PPAN: variants seen among roughly 807,000 people sequenced by gnomAD.
The protein encoded by PPAN is suppressor of SWI4 1 homolog.
PPAN carries 39 observed loss-of-function variants against 48.5 expected under a neutral mutation model. The observed-to-expected ratio is 0.80, with a 90% CI of 0.62 to 1.05. The LOEUF is 1.05. Ranked by LOEUF, PPAN falls within the 50% of genes least tolerant of loss-of-function variation. PPAN has a pLI of 0.00. For missense variants in PPAN, 736 were observed against 661.7 expected (o/e 1.11, Z -1.23); for synonymous variants, 315 against 268.6 (o/e 1.17, Z -1.69).
At chr19:10,107,644 C>T (rs1317688522) in intron 3 of PPAN, 38 bp downstream of exon 3, 2 of 1,610,366 alleles carry the variant, frequency 1.2e-6, no homozygotes, top group Non-Finnish European at 1.7e-6. Flanking sequence ...CCCCCAGACC[C>T]CCCCTTCCCC....
In PPAN at chr19:10,106,623, C is replaced by T. The variant is rs2088834359; in HGVS notation, c.141C>T (p.Ser47=). 1 of 1,549,700 alleles carries T rather than the reference C, an allele frequency of 6.5e-7. No individual in the cohort carries two copies. Among genetic ancestry groups the T allele is most frequent in the Non-Finnish European group, 8.7e-7 (1 of 1,147,490 alleles). ...CGGGTCGCAACATCCGGCAGCTCAG[C>T]CTGGACGTGCGGCGGGTCATGGAGC... ...GCTGRNIRQL[S]LDVRRVMEPL... is the part of the protein sequence containing the mutation. Residue 47 remains serine (S), a synonymous_variant, in exon 2 of 12, where the codon AGC becomes AGT. Transcript: ENST00000253107.
chr19:10,108,515 G>A (rs747368414), intron 5 of PPAN, among the ~76,000 whole-genome samples: 6 of 152,124 alleles, frequency 3.9e-5, no homozygotes, highest in African/African-American at 7.2e-5. Context: ...TTGGGAGGGC[G>A]AGGTGGGAGG....
rs768741739 is a variant in PPAN at position 10,110,425 on chromosome 19, T to G, written c.901+23T>G. 6.2e-7 allele frequency: 1 copy of G among 1,608,850 alleles called. No homozygotes were observed. Among genetic ancestry groups the G allele is most frequent in the Admixed American group, 1.7e-5 (1 of 59,482 alleles). On this transcript the variant is annotated intron_variant, in intron 9 of 11. Coordinates refer to ENST00000253107, the MANE Select transcript of PPAN (RefSeq NM_020230.7). This position sits in a 1 kb window ranked among gnomAD's most constrained non-coding sequence, Gnocchi z 5.9. ...TTGGTGAGGCCGGGGCCGCCGGGGG[T>G]GGGGGGTCATGGGTGTGGAGCTGCA... is the stretch of plus-strand genomic sequence containing the variant.
intron 5 of PPAN, among the ~76,000 whole-genome samples, chr19:10,109,171 C>T (rs1377172408): frequency 6.6e-6 from 1 of 152,014 alleles, no homozygotes; most frequent in Non-Finnish European, 1.5e-5. Context: ...ACCGTGTTAG[C>T]CAGGGTGGTC....
Position 10,111,529 on chromosome 19 carries a change from G to C in PPAN, c.*364G>C, listed in dbSNP as rs73011214. Reference sequence around the variant, plus strand: ...AAGCAGACAGGTCACACTTTCAGCAGATGAGCTTGAACCTCAGGAGGGTTG... The same window carrying C: ...AAGCAGACAGGTCACACTTTCAGCACATGAGCTTGAACCTCAGGAGGGTTG... On this transcript the variant is annotated 3_prime_UTR_variant, in exon 12 of 12. Transcript: ENST00000253107. 1.5e-6 allele frequency: 1 copy of C among 679,446 alleles called. No individual in the cohort carries two copies. Among genetic ancestry groups the C allele is most frequent in the Non-Finnish European group, 2.5e-6 (1 of 394,576 alleles). 42.1% of individuals were successfully genotyped at this position (679,446 alleles called of 1,614,324 possible).
Position 10,107,557 on chromosome 19 carries a change from G to C in PPAN, c.242G>C (p.Gly81Ala), listed in dbSNP as rs751223941. Residue 81 changes from glycine (G) to alanine (A), a missense_variant, in exon 3 of 12, where the codon GGG becomes GCG. Physicochemically the swap from Gly to Ala is moderately conservative, Grantham distance 60. Transcript: ENST00000253107. ...TGCGTGGCAGTGGCTGGGCCCCTCGGGGTCACACACTTTCTGATCCTGAGC... is the reference window on the plus strand; with the variant it reads ...TGCGTGGCAGTGGCTGGGCCCCTCGCGGTCACACACTTTCTGATCCTGAGC... ...KDCVAVAGPL[G>A]VTHFLILSKT... is the part of the protein sequence containing the mutation. 11 of 1,614,042 alleles carry C rather than the reference G, an allele frequency of 6.8e-6. No homozygotes were observed. In the Admixed American group the frequency reaches 1.8e-4, roughly 27 times the overall value.
At chr19:10,109,153 A>G (rs1026929587) in intron 5 of PPAN, among the ~76,000 whole-genome samples, 1 of 152,002 alleles carries the variant, frequency 6.6e-6, no homozygotes, top group East Asian at 1.9e-4. Context: ...TAGTAGAGAC[A>G]GGATTTCACC....
rs749685792 is a variant in PPAN at position 10,106,629 on chromosome 19, C to G, written c.147C>G (p.Asp49Glu). The change falls in exon 2 of 12, where the codon GAC (aspartate) becomes GAG (glutamate). Residue 49 changes from aspartate to glutamate, a missense_variant. Asp to Glu is a conservative substitution (Grantham distance 45). Transcript: ENST00000253107. ...TGRNIRQLSLDVRRVMEPLTA... is the reference protein window; with the variant it reads ...TGRNIRQLSLEVRRVMEPLTA... ...GCAACATCCGGCAGCTCAGCCTGGACGTGCGGCGGGTCATGGAGCCGCTCA... is the reference window on the plus strand; with the variant it reads ...GCAACATCCGGCAGCTCAGCCTGGAGGTGCGGCGGGTCATGGAGCCGCTCA... 25 of 1,548,986 alleles carry G rather than the reference C, an allele frequency of 1.6e-5. No individual in the cohort carries two copies. The South Asian group carries it at 3.0e-4, about 18-fold the overall frequency.
intron 5 of PPAN, among the ~76,000 whole-genome samples, chr19:10,108,751 CAAAA>C (rs565271742): frequency 2.3e-5 from 2 of 88,430 alleles, no homozygotes; most frequent in African/African-American, 4.0e-5. Flanking sequence ...GACACTGTCT[CAAAA>C]AAAAAAAAAA....
intron 5 of PPAN, 134 bp from the exon 6 acceptor site, chr19:10,109,497 T>C: frequency 9.1e-7 from 1 of 1,102,656 alleles, no homozygotes. Context: ...TAGCTAAAAC[T>C]GCAGGTGCGA....
At chr19:10,107,480 C>A (rs545734029) in intron 2 of PPAN, 25 bp from the exon 3 acceptor site, 3 of 1,610,270 alleles carry the variant, frequency 1.9e-6, no homozygotes, top group Non-Finnish European at 2.5e-6. Flanking sequence ...GCTATGTTTT[C>A]TTTTTTTCTT....
At position 10,110,920 on chromosome 19, in the gene PPAN, G is replaced by A. The variant is rs753045746; in HGVS notation, c.1202-25G>A. The stretch of plus-strand genomic sequence containing the variant: ...CCAGAGCCTGTCCTTGTCTCTGGGG[G>A]CCCTGACACTGTCTCTCCCCACAGA... On this transcript the variant is annotated intron_variant, in intron 11 of 11. Coordinates refer to ENST00000253107, the MANE Select transcript of PPAN (RefSeq NM_020230.7). The surrounding 1 kb of genome is among the most constrained non-coding windows in gnomAD (Gnocchi z 5.9). The A allele has an allele frequency of 6.2e-7, 1 of 1,612,844 alleles. No homozygotes were observed.
Position 10,107,785 on chromosome 19 carries a change from A to G in PPAN, c.292-19A>G, listed in dbSNP as rs2088886606. The G allele has an allele frequency of 6.2e-7, 1 of 1,613,498 alleles. No individual in the cohort carries two copies. ...CTGCTAGACCCCTCCAGAGTCACTG[A>G]TCTTTTCTTCTCCTGCAGAAGCTGA... On this transcript the variant is annotated intron_variant, in intron 3 of 11. Coordinates refer to ENST00000253107, the MANE Select transcript of PPAN (RefSeq NM_020230.7).
chr19:10,109,439 G>A (rs895841606), intron 5 of PPAN, among the ~76,000 whole-genome samples, 192 bp from the exon 6 acceptor site: 2 of 152,150 alleles, frequency 1.3e-5, no homozygotes, highest in Non-Finnish European at 2.9e-5. Context: ...GCCCAGGCTG[G>A]TTTTGAACTC....
rs1289000764 is a variant in PPAN, at chr19:10,110,634, G to A, written c.1031+20G>A. On this transcript the variant is annotated intron_variant, in intron 10 of 11. Transcript: ENST00000253107. The surrounding 1 kb of genome is among the most constrained non-coding windows in gnomAD (Gnocchi z 5.9). ...CCACAGGTCCAGGCAGAGCTGGGAA[G>A]GGCAGGGCCAAGGGGGGGTCCCTGG... The A allele has an allele frequency of 6.2e-7, 1 of 1,609,372 alleles. No individual in the cohort carries two copies. Among genetic ancestry groups the A allele is most frequent in the African/African-American group, 1.3e-5 (1 of 74,816 alleles).
rs1360202037 is a variant in PPAN, at chr19:10,111,544, CAG to C, written c.*380_*381del. On this transcript the variant is annotated 3_prime_UTR_variant, in exon 12 of 12. Coordinates refer to ENST00000253107, the MANE Select transcript of PPAN (RefSeq NM_020230.7). ...ACTTTCAGCAGATGAGCTTGAACCT[CAG>C]GAGGGTTGTGGCACAATGAGGAAGG... 4 of 732,990 alleles carry C rather than the reference CAG, an allele frequency of 5.5e-6. No homozygotes were observed. In the African/African-American group the frequency reaches 7.0e-5, roughly 13 times the overall value. The allele number at this position is 732,990 out of a possible 1,614,324, so 45.4% of individuals were successfully genotyped here. A position where few individuals can be genotyped will look rare whatever the true frequency, so the allele number is the denominator to read the frequency against.
chr19:10,111,291 T>G lies in PPAN; in HGVS notation c.*126T>G. The G allele has an allele frequency of 8.7e-7, 1 of 1,143,172 alleles. No individual in the cohort carries two copies. The highest frequency in any genetic ancestry group is 1.6e-5 in the South Asian group (1 of 60,796). The allele number at this position is 1,143,172 out of a possible 1,614,324, so 70.8% of individuals were successfully genotyped here. A position where few individuals can be genotyped will look rare whatever the true frequency, so the allele number is the denominator to read the frequency against. On this transcript the variant is annotated 3_prime_UTR_variant, in exon 12 of 12. Transcript: ENST00000253107. Reference sequence around the variant, plus strand: ...CTTCCACTCCAGTAAAGAACTGAATTGGCCAGGGGTCCACGTCAGCGTTTG... The same window carrying G: ...CTTCCACTCCAGTAAAGAACTGAATGGGCCAGGGGTCCACGTCAGCGTTTG...
chr19:10,108,963 C>CTTTTTTTTTTTTTTTTTTTTTTT (rs1304271167), intron 5 of PPAN, among the ~76,000 whole-genome samples: 1 of 138,586 alleles, frequency 7.2e-6, no homozygotes, highest in African/African-American at 2.7e-5. Context: ...TCTTGTTTAC[C>CTTTTTTTTTTTTTTTTTTTTTTT]TTTTTTTTTT....
In PPAN at chr19:10,107,556, G is replaced by A. The variant is rs779803114; in HGVS notation, c.241G>A (p.Gly81Arg). The A allele has an allele frequency of 8.1e-5, 131 of 1,613,938 alleles. No homozygotes were observed. Among genetic ancestry groups the A allele is most frequent in the Non-Finnish European group, 1.0e-4 (120 of 1,180,024 alleles). ...CTGCGTGGCAGTGGCTGGGCCCCTC[G>A]GGGTCACACACTTTCTGATCCTGAG... ...KDCVAVAGPL[G>R]VTHFLILSKT... The change falls in exon 3 of 12, where the codon GGG becomes AGG. Residue 81 changes from glycine (G) to arginine (R), a missense_variant. Transcript: ENST00000253107.
Sources: allele counts gnomAD v4.1 joint callset (sites outside exome capture counted in the v4.1 genomes callset), GRCh38; gene constraint gnomAD v4.1.1; non-coding constraint Gnocchi (gnomAD v3.1); transcripts MANE v1.5; gene names NCBI Gene and HGNC (gene_info 2026-07-23, HGNC 2026-07-21).